Variants in GALNT13 observed in about 807,000 individuals in gnomAD.
The protein encoded by GALNT13 is UDP-GalNAc:polypeptide N-acetylgalactosaminyltransferase 13.
GALNT13 carries 28 observed loss-of-function variants against 64.2 expected under a neutral mutation model. That is an observed-to-expected ratio of 0.44 (90% CI 0.32 to 0.60). GALNT13 has a LOEUF of 0.60. Ranked by LOEUF, GALNT13 falls within the 20% of genes least tolerant of loss-of-function variation. GALNT13 has a pLI of 0.05. For missense variants in GALNT13, 577 were observed against 669.8 expected (o/e 0.86, Z 1.53); for synonymous variants, 214 against 224.6 (o/e 0.95, Z 0.42).
In GALNT13 at chr2:154,453,184, C is replaced by G. The variant is rs1374577766; in HGVS notation, c.*2633C>G. ...CTAATTTCCCAGTCCTTGTCTTGAA[C>G]AATCTTTTCTCAGTACAACAGCCAT... On this transcript the variant is annotated 3_prime_UTR_variant, in exon 13 of 13. Transcript: ENST00000392825. The G allele has an allele frequency of 6.6e-6, 1 of 152,110 alleles. No homozygotes were observed. The highest frequency in any genetic ancestry group is 1.5e-5 in the Non-Finnish European group (1 of 68,030). 9.4% of individuals were successfully genotyped at this position (152,110 alleles called of 1,614,324 possible). A position where few individuals can be genotyped will look rare whatever the true frequency, so the allele number is the denominator to read the frequency against.
chr2:154,270,040 A>G (rs1691269585), intron 8 of GALNT13, among the ~76,000 whole-genome samples: 1 of 150,724 alleles, frequency 6.6e-6, no homozygotes, highest in Non-Finnish European at 1.5e-5. Context: ...ATTAACTGCT[A>G]TAAATAACTG....
the GALNT13 span, among the ~76,000 whole-genome samples, chr2:153,667,680 G>A: frequency 2.6e-5 from 4 of 152,148 alleles, no homozygotes; most frequent in Non-Finnish European, 5.9e-5. Flanking sequence ...ATATTCTTAA[G>A]TACATAGAGC....
At chr2:153,166,621 ATGTGTG>A in the GALNT13 span, among the ~76,000 whole-genome samples, 1,430 of 122,704 alleles carry the variant, frequency 0.012, 33 homozygotes, top group East Asian at 0.082. Flanking sequence ...TGCCTACTGC[ATGTGTG>A]TGTGTGTGTG....
the GALNT13 span, among the ~76,000 whole-genome samples, chr2:153,374,834 T>C: frequency 2.0e-5 from 3 of 152,180 alleles, no homozygotes; most frequent in African/African-American, 7.2e-5. Context: ...TCTCTCTGTG[T>C]CCAGTAATTG....
At chr2:153,978,173 C>T (rs770781577) in intron 3 of GALNT13, among the ~76,000 whole-genome samples, 1 of 152,130 alleles carries the variant, frequency 6.6e-6, no homozygotes, top group Non-Finnish European at 1.5e-5. Context: ...TGTTTATTCC[C>T]TAAACTGCTG....
intron 4 of GALNT13, among the ~76,000 whole-genome samples, chr2:154,219,666 T>G (rs1688223392): frequency 6.6e-6 from 1 of 152,102 alleles, no homozygotes. Context: ...AGTTGAGCAG[T>G]CTTCAGAAGG....
chr2:154,300,730 A>G (rs1359714538), intron 8 of GALNT13, among the ~76,000 whole-genome samples: 1 of 152,204 alleles, frequency 6.6e-6, no homozygotes, highest in African/African-American at 2.4e-5. Context: ...TAGGATACTA[A>G]GAAATATATG....
At chr2:154,099,776 A>C (rs1702255543) in intron 3 of GALNT13, among the ~76,000 whole-genome samples, 1 of 152,076 alleles carries the variant, frequency 6.6e-6, no homozygotes, top group Non-Finnish European at 1.5e-5. Flanking sequence ...TCTCTCTACA[A>C]AAAATTTTAA....
the GALNT13 span, among the ~76,000 whole-genome samples, chr2:153,301,506 A>G: frequency 6.6e-6 from 1 of 152,070 alleles, no homozygotes; most frequent in South Asian, 2.1e-4. Flanking sequence ...AAGCTAATGT[A>G]TATATTACCT....
the GALNT13 span, among the ~76,000 whole-genome samples, chr2:153,220,988 G>A: frequency 5.3e-5 from 8 of 152,118 alleles, no homozygotes; most frequent in Non-Finnish European, 1.2e-4. Context: ...CTGTTGGAAG[G>A]TGGAGATCAA....
intron 10 of GALNT13, among the ~76,000 whole-genome samples, chr2:154,407,315 A>G (rs1295657171): frequency 6.6e-6 from 1 of 152,200 alleles, no homozygotes; most frequent in Non-Finnish European, 1.5e-5. Flanking sequence ...GGAACTAAAT[A>G]GCAATAATGT....
chr2:153,419,071 A>G, the GALNT13 span, among the ~76,000 whole-genome samples: 2 of 152,214 alleles, frequency 1.3e-5, no homozygotes, highest in South Asian at 4.1e-4. Context: ...ATTGCTATGA[A>G]GAAATACCCG....
chr2:153,542,295 G>A, the GALNT13 span, among the ~76,000 whole-genome samples: 1 of 151,238 alleles, frequency 6.6e-6, no homozygotes, highest in African/African-American at 2.4e-5. Flanking sequence ...ACTCCAACCT[G>A]GGCAATAAGA....
At chr2:153,222,332 T>TGGGGGGGGGGGGGGGGGGG in the GALNT13 span, among the ~76,000 whole-genome samples, 6 of 103,788 alleles carry the variant, frequency 5.8e-5, no homozygotes, top group African/African-American at 1.1e-4. Context: ...GGGGGTGGGG[T>TGGGGGGGGGGGGGGGGGGG]GGGGGGGGGG....
chr2:154,189,939 A>G (rs1686480981), intron 4 of GALNT13, among the ~76,000 whole-genome samples: 1 of 152,242 alleles, frequency 6.6e-6, no homozygotes, highest in South Asian at 2.1e-4. Flanking sequence ...TAGCTTTAAT[A>G]TGTAAAATAC....
At chr2:153,124,618 G>C in the GALNT13 span, among the ~76,000 whole-genome samples, 1 of 152,134 alleles carries the variant, frequency 6.6e-6, no homozygotes, top group Non-Finnish European at 1.5e-5. Flanking sequence ...CGATTCGCCT[G>C]CCTCAGCCTC....
At chr2:153,133,554 T>A in the GALNT13 span, among the ~76,000 whole-genome samples, 1 of 152,130 alleles carries the variant, frequency 6.6e-6, no homozygotes, top group African/African-American at 2.4e-5. Flanking sequence ...TCTTTCCTGG[T>A]TGTGTGACAA....
the GALNT13 span, among the ~76,000 whole-genome samples, chr2:153,580,280 G>T: frequency 2.6e-5 from 4 of 151,718 alleles, no homozygotes; most frequent in Non-Finnish European, 5.9e-5. Context: ...AAATTTCATG[G>T]TTATAGAGCA....
At chr2:154,153,779 T>A (rs1285643718) in intron 4 of GALNT13, among the ~76,000 whole-genome samples, 1 of 152,226 alleles carries the variant, frequency 6.6e-6, no homozygotes, top group Non-Finnish European at 1.5e-5. Flanking sequence ...TTTAAGCCCA[T>A]TGGAAAAGCG....
Sources: allele counts gnomAD v4.1 joint callset (sites outside exome capture counted in the v4.1 genomes callset), GRCh38; gene constraint gnomAD v4.1.1; transcripts MANE v1.5; gene names NCBI Gene and HGNC (gene_info 2026-07-23, HGNC 2026-07-21).